The following EHBP1 variants were observed in gnomAD, a reference collection of about 807,000 sequenced individuals.
The protein encoded by EHBP1 is EH domain binding protein 1, also known as EH domain-binding protein 1.
EHBP1 carries 55 observed loss-of-function variants against 144.0 expected under a neutral mutation model. That is an observed-to-expected ratio of 0.38 (90% CI 0.31 to 0.48). EHBP1 has a LOEUF of 0.48. EHBP1 is among the 20% of genes least tolerant of loss of function. The pLI is 0.98. For synonymous variants in EHBP1, 469 were observed against 472.7 expected (o/e 0.99, Z 0.10); for missense variants, 1,200 against 1,364.2 (o/e 0.88, Z 1.90).
intron 19 of EHBP1, among the ~76,000 whole-genome samples, chr2:63,021,189 CTT>C (rs1201980342): frequency 6.6e-6 from 1 of 151,858 alleles, no homozygotes; most frequent in Non-Finnish European, 1.5e-5. Flanking sequence ...TAACTCTCCT[CTT>C]CTCTGCAACT....
chr2:63,038,669 G>T, intron 20 of EHBP1, 74 bp from the exon 21 acceptor site: 5 of 1,362,742 alleles, frequency 3.7e-6, no homozygotes, highest in East Asian at 2.3e-5. Context: ...TAAAATCAAT[G>T]TAACCTAAAG....
chr2:62,878,375 C>A (rs2051073614), intron 10 of EHBP1, among the ~76,000 whole-genome samples: 1 of 152,116 alleles, frequency 6.6e-6, no homozygotes, highest in Admixed American at 6.5e-5. Flanking sequence ...TGGCTGAATT[C>A]TACCAGACAT....
chr2:62,846,066 C>T (rs2048274921), intron 7 of EHBP1, among the ~76,000 whole-genome samples: 1 of 152,148 alleles, frequency 6.6e-6, no homozygotes, highest in South Asian at 2.1e-4. Context: ...TATGTCAACT[C>T]AGAGAATAGT....
At chr2:62,929,518 T>G (rs2055812747) in intron 10 of EHBP1, among the ~76,000 whole-genome samples, 2 of 152,150 alleles carry the variant, frequency 1.3e-5, no homozygotes, top group Non-Finnish European at 2.9e-5. Flanking sequence ...GATAGAATTC[T>G]ATACCCTTTC....
At chr2:62,791,798 G>A (rs144011584) in intron 5 of EHBP1, among the ~76,000 whole-genome samples, 16 of 152,012 alleles carry the variant, frequency 1.1e-4, no homozygotes, top group Non-Finnish European at 1.9e-4. Context: ...AGGAAGTGTA[G>A]CAATATAATT....
At chr2:62,844,761 AG>A (rs1432020261) in intron 7 of EHBP1, among the ~76,000 whole-genome samples, 2 of 152,200 alleles carry the variant, frequency 1.3e-5, no homozygotes, top group Non-Finnish European at 2.9e-5. Context: ...AGACATTATG[AG>A]GCTCCTGAAA....
rs1338819688 is a variant in EHBP1 at position 62,819,729 on chromosome 2, A to C, written c.313-6358A>C. 2.0e-5 allele frequency among the ~76,000 whole-genome samples: 3 copies of C among 150,424 alleles called. No homozygotes were observed. In the East Asian group the frequency reaches 5.9e-4, roughly 30 times the overall value. The stretch of plus-strand genomic sequence containing the variant: ...CAGTGAGCTGAGATTGTGCCATTGC[A>C]CTCCAGCCTGGGTGACAGAGCGAGA... On this transcript the variant is annotated intron_variant, in intron 5 of 22. Transcript: ENST00000431489.
At chr2:62,932,103 G>A (rs1037281529) in intron 10 of EHBP1, among the ~76,000 whole-genome samples, 2 of 151,908 alleles carry the variant, frequency 1.3e-5, no homozygotes, top group Non-Finnish European at 2.9e-5. Flanking sequence ...CTTGAGCCCG[G>A]GAGGTGGAGG....
At chr2:63,018,502 C>A (rs943876421) in intron 19 of EHBP1, among the ~76,000 whole-genome samples, 4 of 152,278 alleles carry the variant, frequency 2.6e-5, no homozygotes, top group South Asian at 2.1e-4. Flanking sequence ...TAGAAAGGAA[C>A]CTTGCTGATT....
intron 10 of EHBP1, among the ~76,000 whole-genome samples, chr2:62,908,688 T>G (rs959866427): frequency 6.6e-6 from 1 of 152,214 alleles, no homozygotes; most frequent in African/African-American, 2.4e-5. Context: ...GAAGTATCAT[T>G]TAGTCTCGAG....
intron 5 of EHBP1, among the ~76,000 whole-genome samples, chr2:62,782,063 C>A (rs1295874295): frequency 1.3e-5 from 2 of 152,192 alleles, no homozygotes; most frequent in African/African-American, 2.4e-5. Context: ...AAACCCATGT[C>A]TTCAAACTCT....
chr2:62,884,679 A>G (rs2051770153), intron 10 of EHBP1, among the ~76,000 whole-genome samples: 1 of 152,240 alleles, frequency 6.6e-6, no homozygotes, highest in African/African-American at 2.4e-5. Flanking sequence ...ATCATCAGTG[A>G]TATGCTGACA....
rs532911023 is a variant in EHBP1 at position 62,794,072 on chromosome 2, G to T, written c.312+22680G>T. Reference sequence around the variant, plus strand: ...ATAAGTTGTTGTCTTCGCAATTTAAGAATAAAACAGAGAGCTGAGAACTGA... The same window carrying T: ...ATAAGTTGTTGTCTTCGCAATTTAATAATAAAACAGAGAGCTGAGAACTGA... On this transcript the variant is annotated intron_variant, in intron 5 of 22. Coordinates refer to ENST00000431489, the MANE Select transcript of EHBP1 (RefSeq NM_001142616.3). Among the ~76,000 whole-genome samples, 15 of 152,158 alleles carry T rather than the reference G, an allele frequency of 9.9e-5. No homozygotes were observed. The East Asian group carries it at 1.5e-3, about 16-fold the overall frequency.
chr2:62,677,240 G>T (rs1490139232), intron 1 of EHBP1, among the ~76,000 whole-genome samples: 1 of 152,142 alleles, frequency 6.6e-6, no homozygotes, highest in Non-Finnish European at 1.5e-5. Context: ...CAAAACAGTA[G>T]ATGAATACAG....
At chr2:62,758,426 G>A (rs1672397719) in intron 3 of EHBP1, among the ~76,000 whole-genome samples, 1 of 152,124 alleles carries the variant, frequency 6.6e-6, no homozygotes. Flanking sequence ...ATTTTTGATT[G>A]AGAGAATAAT....
chr2:63,002,773 C>T (rs1419312613), intron 19 of EHBP1, among the ~76,000 whole-genome samples: 1 of 152,054 alleles, frequency 6.6e-6, no homozygotes, highest in Non-Finnish European at 1.5e-5. Context: ...ATTAACTGAT[C>T]ACAGATACAG....
chr2:62,830,195 C>CACACACACAT (rs1400040654), intron 6 of EHBP1, among the ~76,000 whole-genome samples: 96 of 116,282 alleles, frequency 8.3e-4, no homozygotes, highest in Admixed American at 2.1e-3. Context: ...CACACACACA[C>CACACACACAT]ATATATATAC....
At chr2:63,038,392 T>TG (rs2061530750) in intron 20 of EHBP1, among the ~76,000 whole-genome samples, 1 of 152,170 alleles carries the variant, frequency 6.6e-6, no homozygotes, top group Admixed American at 6.6e-5. Context: ...TCATGTTTCT[T>TG]GTATTCTTTT....
intron 5 of EHBP1, among the ~76,000 whole-genome samples, chr2:62,814,233 G>T (rs2045272343): frequency 6.6e-6 from 1 of 152,172 alleles, no homozygotes; most frequent in Non-Finnish European, 1.5e-5. Flanking sequence ...TTGAGAGCAT[G>T]TTCTTTATTG....
Sources: gnomAD v4.1 joint callset for allele counts (sites outside exome capture counted in the v4.1 genomes callset) on GRCh38, gnomAD v4.1.1 for gene constraint, MANE v1.5 for transcripts, NCBI Gene and HGNC (gene_info 2026-07-23, HGNC 2026-07-21) for gene names.